Variants in MEDAG observed in about 807,000 individuals in gnomAD.
The protein encoded by MEDAG is mesenteric estrogen-dependent adipogenesis protein.
MEDAG carries 25 observed loss-of-function variants against 29.9 expected under a neutral mutation model. The ratio of observed to expected loss-of-function variants is 0.84; its 90% CI spans 0.61 to 1.17. MEDAG has a LOEUF of 1.17. Ranked by LOEUF, MEDAG falls within the 50% of genes most tolerant of loss-of-function variation. The probability of loss-of-function intolerance (pLI) is 0.00; values close to 1 mark genes in which losing one functional copy is unlikely to be tolerated. For missense variants in MEDAG, 398 were observed against 372.9 expected (o/e 1.07, Z -0.56); for synonymous variants, 158 against 148.2 (o/e 1.07, Z -0.48).
chr13:30,913,908 G>A (rs1004700398), intron 1 of MEDAG, among the ~76,000 whole-genome samples: 30 of 152,236 alleles, frequency 2.0e-4, no homozygotes, highest in African/African-American at 7.2e-4. Flanking sequence ...TGGGCATGGT[G>A]GTGCACGCCT....
At chr13:30,915,093 C>T (rs1401785797) in intron 1 of MEDAG, among the ~76,000 whole-genome samples, 2 of 152,166 alleles carry the variant, frequency 1.3e-5, no homozygotes, top group East Asian at 3.9e-4. Flanking sequence ...ATGTTTATGT[C>T]AACCAGACTT....
At position 30,917,397 on chromosome 13, in the gene MEDAG, T is replaced by C. The variant is rs1351052991; in HGVS notation, c.279-6T>C. ...TACATTTGCAATGATCTCTGCTTCT[T>C]CATAGGTATGTGGAACTGACCAACT... On this transcript the variant is annotated splice_polypyrimidine_tract_variant and splice_region_variant and intron_variant, in intron 1 of 4. Transcript: ENST00000380482. The C allele has an allele frequency of 6.7e-7, 1 of 1,491,128 alleles. No individual in the cohort carries two copies. The highest frequency in any genetic ancestry group is 9.4e-7 in the Non-Finnish European group (1 of 1,067,946). The allele number at this position is 1,491,128 out of a possible 1,614,324, so 92.4% of individuals were successfully genotyped here.
intron 2 of MEDAG, among the ~76,000 whole-genome samples, chr13:30,920,688 G>A (rs1952974945): frequency 6.6e-6 from 1 of 152,142 alleles, no homozygotes. Context: ...GATACATGCT[G>A]TGGAGGCACA....
intron 1 of MEDAG, among the ~76,000 whole-genome samples, chr13:30,910,110 C>A (rs563336734): frequency 6.6e-6 from 1 of 151,908 alleles, no homozygotes; most frequent in Non-Finnish European, 1.5e-5. Flanking sequence ...GCTCAGGACA[C>A]GAGATGTGGG....
At chr13:30,917,558 C>T in intron 2 of MEDAG, 46 bp downstream of exon 2, 1 of 1,027,002 alleles carries the variant, frequency 9.7e-7, no homozygotes, top group Non-Finnish European at 1.5e-6. Context: ...TAAAGAAATA[C>T]CTAAAACTGG....
chr13:30,919,633 A>G (rs572495443), intron 2 of MEDAG, among the ~76,000 whole-genome samples: 7 of 152,372 alleles, frequency 4.6e-5, no homozygotes, highest in Admixed American at 1.3e-4. Flanking sequence ...GGTAAGAAAA[A>G]CGAGATGAAT....
In MEDAG at chr13:30,921,095, C is replaced by T. The variant is rs1566129066; in HGVS notation, c.470C>T (p.Ser157Phe). The change falls in exon 3 of 5, where the codon TCC (serine) becomes TTC (phenylalanine). Residue 157 changes from serine (S) to phenylalanine (F), a missense_variant. Transcript: ENST00000380482. Reference sequence around the variant, plus strand: ...GAGCAAGGGATGGACATGGTCATCTCCTCAGTGATTGGAGAAAGTTACCGG... The same window carrying T: ...GAGCAAGGGATGGACATGGTCATCTTCTCAGTGATTGGAGAAAGTTACCGG... ...QIEQGMDMVI[S>F]SVIGESYRLQ... The T allele has an allele frequency of 4.3e-6, 7 of 1,614,098 alleles. No individual in the cohort carries two copies. Among genetic ancestry groups the T allele is most frequent in the Non-Finnish European group, 5.1e-6 (6 of 1,180,008 alleles).
chr13:30,914,043 A>G (rs1463162209), intron 1 of MEDAG, among the ~76,000 whole-genome samples: 2 of 152,214 alleles, frequency 1.3e-5, no homozygotes, highest in African/African-American at 4.8e-5. Flanking sequence ...CTCCATCTCA[A>G]AAAACAAACA....
In MEDAG at chr13:30,924,432, C is replaced by A. The variant is rs1953021321; in HGVS notation, c.909C>A (p.Ile303=). 6.2e-7 allele frequency: 1 copy of A among 1,613,786 alleles called. No homozygotes were observed. Among genetic ancestry groups the A allele is most frequent in the South Asian group, 1.1e-5 (1 of 91,010 alleles). Reference sequence around the variant, plus strand: ...CTGAAGAGACACCCAACCAATTTATCTGATTGAACTGAACATTGTAGCAGT... The same window carrying A: ...CTGAAGAGACACCCAACCAATTTATATGATTGAACTGAACATTGTAGCAGT... ...LESEETPNQF[I] Residue 303 remains isoleucine, a synonymous_variant, in exon 5 of 5, where the codon ATC becomes ATA. Transcript: ENST00000380482.
rs755685903 is a variant in MEDAG, at chr13:30,906,466, G to T, written c.-50G>T. ...GGGGACCATCAGGTGCCGGCTGGGG[G>T]CTGTAGGCACCGGACGGAAGCAGGC... On this transcript the variant is annotated 5_prime_UTR_variant, in exon 1 of 5. Coordinates refer to ENST00000380482, the MANE Select transcript of MEDAG (RefSeq NM_032849.4). 7.0e-7 allele frequency: 1 copy of T among 1,424,766 alleles called. No homozygotes were observed. The highest frequency in any genetic ancestry group is 9.1e-7 in the Non-Finnish European group (1 of 1,095,160). 88.3% of individuals were successfully genotyped at this position (1,424,766 alleles called of 1,614,324 possible).
intron 3 of MEDAG, 56 bp downstream of exon 3, chr13:30,921,182 A>G: frequency 6.9e-7 from 1 of 1,450,660 alleles, no homozygotes; most frequent in Non-Finnish European, 9.6e-7. Flanking sequence ...GAGCTTGTGC[A>G]TTTCATGCAG....
intron 4 of MEDAG, among the ~76,000 whole-genome samples, chr13:30,923,124 T>G (rs1213904249): frequency 1.3e-5 from 2 of 152,106 alleles, no homozygotes; most frequent in Non-Finnish European, 2.9e-5. Flanking sequence ...TTTCACCCTG[T>G]TGGCCAGGCT....
chr13:30,915,451 T>G (rs1379528315), intron 1 of MEDAG, among the ~76,000 whole-genome samples: 1 of 152,096 alleles, frequency 6.6e-6, no homozygotes, highest in East Asian at 1.9e-4. Context: ...ATGAGACACA[T>G]GTAAATGCTC....
At chr13:30,922,247 T>C (rs1593511944) in intron 4 of MEDAG, 1 of 152,358 alleles carries the variant, frequency 6.6e-6, no homozygotes, top group East Asian at 1.9e-4. Context: ...ATGGTCAAGA[T>C]ATCAGTCTTT....
intron 1 of MEDAG, among the ~76,000 whole-genome samples, chr13:30,912,853 A>C (rs1194717709): frequency 6.6e-6 from 1 of 152,204 alleles, no homozygotes. Flanking sequence ...ACTCAAATGA[A>C]CACAGCCCTG....
chr13:30,918,484 A>C (rs1290608330), intron 2 of MEDAG, among the ~76,000 whole-genome samples: 1 of 152,192 alleles, frequency 6.6e-6, no homozygotes, highest in Admixed American at 6.6e-5. Context: ...TTGGAATGTC[A>C]TGTTTAGACA....
Position 30,917,390 on chromosome 13 carries a change from T to C in MEDAG, c.279-13T>C. ...GGTACGTTACATTTGCAATGATCTC[T>C]GCTTCTTCATAGGTATGTGGAACTG... On this transcript the variant is annotated splice_polypyrimidine_tract_variant and intron_variant, in intron 1 of 4. Transcript: ENST00000380482. The C allele has an allele frequency of 7.0e-7, 1 of 1,432,598 alleles. No homozygotes were observed. The highest frequency in any genetic ancestry group is 2.3e-5 in the East Asian group (1 of 44,084). 88.7% of individuals were successfully genotyped at this position (1,432,598 alleles called of 1,614,324 possible).
intron 2 of MEDAG, among the ~76,000 whole-genome samples, chr13:30,920,503 C>G (rs1952972009): frequency 6.6e-6 from 1 of 151,902 alleles, no homozygotes; most frequent in Admixed American, 6.6e-5. Context: ...GCAGGAGGAT[C>G]ACTTGAGCCC....
chr13:30,911,536 G>T (rs1952882275), intron 1 of MEDAG, among the ~76,000 whole-genome samples: 2 of 152,170 alleles, frequency 1.3e-5, no homozygotes, highest in South Asian at 4.2e-4. Flanking sequence ...CCCTGCTCTT[G>T]TCCAATCCTT....
Sources: gnomAD v4.1 joint callset for allele counts (sites outside exome capture counted in the v4.1 genomes callset) on GRCh38, gnomAD v4.1.1 for gene constraint, MANE v1.5 for transcripts, NCBI Gene and HGNC (gene_info 2026-07-23, HGNC 2026-07-21) for gene names.